The following PCSK2 variants were observed in gnomAD, a reference collection of about 807,000 sequenced individuals.
PCSK2 encodes proprotein convertase subtilisin/kexin type 2, also known as neuroendocrine convertase 2.
In PCSK2, 14 loss-of-function variants were observed where a neutral mutation model predicts 69.7. That is an observed-to-expected ratio of 0.20 (90% CI 0.13 to 0.31). The LOEUF is 0.31. Among genes scored for constraint, PCSK2 ranks in the 10% least tolerant of loss-of-function variants. The pLI is 1.00. For synonymous variants in PCSK2, 307 were observed against 320.7 expected (o/e 0.96, Z 0.46); for missense variants, 544 against 842.5 (o/e 0.65, Z 4.39).
At chr20:17,440,787 G>A (rs2077110) in intron 8 of PCSK2, among the ~76,000 whole-genome samples, 100,606 of 151,458 alleles carry the variant, frequency 0.66, 33,769 homozygotes, top group African/African-American at 0.75. Flanking sequence ...ACTTGAACCC[G>A]GGAGGCAGAC....
intron 2 of PCSK2, among the ~76,000 whole-genome samples, chr20:17,306,454 C>T (rs143543796): frequency 6.6e-6 from 1 of 152,276 alleles, no homozygotes; most frequent in East Asian, 1.9e-4. Context: ...CAGGCAATAA[C>T]TGCTTCTGTC....
intron 9 of PCSK2, among the ~76,000 whole-genome samples, chr20:17,455,315 G>C (rs1413773857): frequency 6.6e-6 from 1 of 152,124 alleles, no homozygotes; most frequent in Non-Finnish European, 1.5e-5. Context: ...TACAGACAGA[G>C]GAAGAATTCC....
At chr20:17,391,553 GC>G (rs2031374257) in intron 5 of PCSK2, among the ~76,000 whole-genome samples, 1 of 152,140 alleles carries the variant, frequency 6.6e-6, no homozygotes, top group South Asian at 2.1e-4. Context: ...TGCCCACCAA[GC>G]TTCAACTTAA....
intron 6 of PCSK2, among the ~76,000 whole-genome samples, chr20:17,414,328 C>T (rs547200105): frequency 2.4e-4 from 36 of 152,134 alleles, no homozygotes; most frequent in Non-Finnish European, 3.8e-4. Context: ...ATCAAATAGA[C>T]GCATTCAAAA....
rs1436963017 is a variant in PCSK2 at position 17,465,344 on chromosome 20, G to C, written c.1221G>C (p.Arg407=). The C allele has an allele frequency of 6.2e-7, 1 of 1,614,056 alleles. No homozygotes were observed. The highest frequency in any genetic ancestry group is 2.2e-5 in the East Asian group (1 of 44,886). Residue 407 remains arginine, a synonymous_variant, in exon 11 of 12, where the codon CGG becomes CGC. Transcript: ENST00000262545. The part of the protein sequence containing the change: ...ALEANLGLTW[R]DMQHLTVLTS... ...TATCCAGCCTGGGTCTGACCTGGCGGGACATGCAGCATCTGACTGTGCTCA... is the reference window on the plus strand; with the variant it reads ...TATCCAGCCTGGGTCTGACCTGGCGCGACATGCAGCATCTGACTGTGCTCA...
chr20:17,360,684 C>A (rs771572406), intron 4 of PCSK2, 44 bp downstream of exon 4: 1 of 1,124,512 alleles, frequency 8.9e-7, no homozygotes, highest in East Asian at 2.5e-5. Context: ...ATAAGCGTGC[C>A]TTTGCTTGCC....
At chr20:17,292,489 G>T (rs939025808) in intron 2 of PCSK2, among the ~76,000 whole-genome samples, 1 of 152,156 alleles carries the variant, frequency 6.6e-6, no homozygotes, top group African/African-American at 2.4e-5. Context: ...TTCTTTTGTA[G>T]TTAGCTAATT....
chr20:17,256,544 A>G (rs1987182976), intron 1 of PCSK2, among the ~76,000 whole-genome samples: 1 of 151,676 alleles, frequency 6.6e-6, no homozygotes, highest in Non-Finnish European at 1.5e-5. Flanking sequence ...ACCTCTCCCC[A>G]GGTTGTTTGT....
At chr20:17,406,251 T>G (rs1439681150) in intron 5 of PCSK2, among the ~76,000 whole-genome samples, 1 of 152,230 alleles carries the variant, frequency 6.6e-6, no homozygotes, top group African/African-American at 2.4e-5. Context: ...TGACTCGGTT[T>G]GGCTGTACAA....
At chr20:17,267,097 C>T (rs1987642241) in intron 2 of PCSK2, among the ~76,000 whole-genome samples, 1 of 152,096 alleles carries the variant, frequency 6.6e-6, no homozygotes, top group African/African-American at 2.4e-5. Context: ...AGGAGCTCTC[C>T]GTGCCCAATC....
chr20:17,260,075 T>C (rs1344287663), intron 1 of PCSK2, among the ~76,000 whole-genome samples, 165 bp from the exon 2 acceptor site: 3 of 151,988 alleles, frequency 2.0e-5, no homozygotes, highest in East Asian at 1.9e-4. Context: ...AAGGAGGACA[T>C]TGATAGGGAA....
intron 11 of PCSK2, among the ~76,000 whole-genome samples, chr20:17,469,761 G>C (rs1369739874): frequency 6.6e-6 from 1 of 152,126 alleles, no homozygotes; most frequent in Non-Finnish European, 1.5e-5. Context: ...AAGGTCAAGG[G>C]CATGCTAAAT....
At chr20:17,441,761 C>G (rs577612458) in intron 8 of PCSK2, among the ~76,000 whole-genome samples, 1 of 152,250 alleles carries the variant, frequency 6.6e-6, no homozygotes, top group South Asian at 2.1e-4. Context: ...TTACCTCCCA[C>G]TGGGTCCTTC....
At chr20:17,446,531 A>G (rs955740043) in intron 8 of PCSK2, among the ~76,000 whole-genome samples, 2 of 152,216 alleles carry the variant, frequency 1.3e-5, no homozygotes, top group African/African-American at 4.8e-5. Context: ...GACCGTGGAC[A>G]GTTTGCAATA....
intron 2 of PCSK2, among the ~76,000 whole-genome samples, chr20:17,354,364 C>T (rs2030122008): frequency 6.6e-6 from 1 of 152,078 alleles, no homozygotes; most frequent in African/African-American, 2.4e-5. Context: ...ATTCGTATCA[C>T]ATCTAAATGG....
chr20:17,303,220 A>G (rs888160038), intron 2 of PCSK2, among the ~76,000 whole-genome samples: 3 of 143,202 alleles, frequency 2.1e-5, no homozygotes, highest in African/African-American at 7.7e-5. Context: ...ATAACCATAC[A>G]TATCTATTTC....
intron 6 of PCSK2, among the ~76,000 whole-genome samples, chr20:17,424,757 C>G (rs1039437207): frequency 6.6e-6 from 1 of 151,980 alleles, no homozygotes; most frequent in Non-Finnish European, 1.5e-5. Flanking sequence ...TCCCAAAGTG[C>G]TGGGATTACA....
chr20:17,365,850 G>T (rs961553388), intron 4 of PCSK2, among the ~76,000 whole-genome samples: 1 of 152,142 alleles, frequency 6.6e-6, no homozygotes, highest in Non-Finnish European at 1.5e-5. Flanking sequence ...GACACACTGG[G>T]GTGGGAGCTG....
chr20:17,341,758 C>A (rs765836234), intron 2 of PCSK2, among the ~76,000 whole-genome samples: 3 of 152,164 alleles, frequency 2.0e-5, no homozygotes, highest in Non-Finnish European at 4.4e-5. Context: ...TGGCAGAAAA[C>A]TGTTTTTAAG....
Sources: gnomAD v4.1 joint callset for allele counts (sites outside exome capture counted in the v4.1 genomes callset) on GRCh38, gnomAD v4.1.1 for gene constraint, MANE v1.5 for transcripts, NCBI Gene and HGNC (gene_info 2026-07-23, HGNC 2026-07-21) for gene names.